EPHB1: variants seen among roughly 807,000 people sequenced by gnomAD.
EPHB1 encodes the protein ephrin type-B receptor 1.
In EPHB1, 30 loss-of-function variants were observed where a neutral mutation model predicts 94.4. The ratio of observed to expected loss-of-function variants is 0.32; its 90% CI spans 0.24 to 0.43. The LOEUF (loss-of-function observed/expected upper bound fraction) is 0.43. Ranked by LOEUF, EPHB1 falls within the 20% of genes least tolerant of loss-of-function variation. The pLI is 1.00. For synonymous variants in EPHB1, 522 were observed against 489.1 expected, an observed-to-expected ratio of 1.07 and a Z score of -0.89; for missense variants, 1,055 against 1,308.3, an observed-to-expected ratio of 0.81 and a Z score of 2.99.
In EPHB1 at chr3:134,984,776, G is replaced by T. The variant is rs532329004; in HGVS notation, c.805+32724G>T. Among the ~76,000 whole-genome samples, 10 of 152,276 alleles carry T rather than the reference G, an allele frequency of 6.6e-5. No homozygotes were observed. In the South Asian group the frequency reaches 1.9e-3, roughly 28 times the overall value. ...AGGTATGTGCCTCCAGTGTGTGTGT[G>T]GTCAGGGGAGTAATGGGGGGAAAGC... On this transcript the variant is annotated intron_variant, in intron 3 of 15. Transcript: ENST00000398015.
chr3:134,987,882 T>G (rs1382071024), intron 3 of EPHB1, among the ~76,000 whole-genome samples: 1 of 152,158 alleles, frequency 6.6e-6, no homozygotes, highest in African/African-American at 2.4e-5. Flanking sequence ...TACCTTGATC[T>G]TGGACGCCCA....
Position 135,127,188 on chromosome 3 carries a change from C to T in EPHB1, c.962-5526C>T, listed in dbSNP as rs990512677. On this transcript the variant is annotated intron_variant, in intron 4 of 15. Coordinates refer to ENST00000398015, the MANE Select transcript of EPHB1 (RefSeq NM_004441.5). ...TACTGTGAACACTTAGGAGGATCAT[C>T]GGTTGGTTTCGGGGGACTAAGAACC... is the stretch of plus-strand genomic sequence containing the variant. Among the ~76,000 whole-genome samples the T allele has an allele frequency of 2.6e-5, 4 of 152,276 alleles. No homozygotes were observed. The East Asian group carries it at 5.8e-4, about 22-fold the overall frequency.
At chr3:134,890,450 T>C (rs570462374) in intron 1 of EPHB1, among the ~76,000 whole-genome samples, 78 of 152,330 alleles carry the variant, frequency 5.1e-4, no homozygotes, top group African/African-American at 1.8e-3. Flanking sequence ...CTGTTGAAAA[T>C]TGATGTATGC....
At chr3:135,231,448 TTTAG>T (rs1157811064) in intron 12 of EPHB1, among the ~76,000 whole-genome samples, 1 of 152,266 alleles carries the variant, frequency 6.6e-6, no homozygotes, top group East Asian at 1.9e-4. Flanking sequence ...TCCACATATT[TTTAG>T]TTAATTTATG....
At chr3:135,045,192 C>A (rs1936963123) in intron 3 of EPHB1, among the ~76,000 whole-genome samples, 1 of 152,008 alleles carries the variant, frequency 6.6e-6, no homozygotes, top group South Asian at 2.1e-4. Context: ...TTTGTTCTGT[C>A]TGGCTATGAA....
intron 15 of EPHB1, among the ~76,000 whole-genome samples, chr3:135,251,985 C>T (rs1040419764): frequency 3.9e-5 from 6 of 152,146 alleles, no homozygotes; most frequent in Non-Finnish European, 8.8e-5. Context: ...GAGCACATTA[C>T]TTAATTTCTC....
chr3:135,204,566 T>A (rs2107714083), intron 12 of EPHB1, among the ~76,000 whole-genome samples: 1 of 152,180 alleles, frequency 6.6e-6, no homozygotes, highest in African/African-American at 2.4e-5. Context: ...AGTGGTGCGA[T>A]CTCGGCTCAT....
At chr3:134,836,525 G>A (rs1311925400) in intron 1 of EPHB1, among the ~76,000 whole-genome samples, 3 of 151,996 alleles carry the variant, frequency 2.0e-5, no homozygotes, top group African/African-American at 7.3e-5. Flanking sequence ...TATATACTTT[G>A]GTGAAGTTTT....
At chr3:134,821,892 A>C (rs2036388716) in intron 1 of EPHB1, among the ~76,000 whole-genome samples, 1 of 152,102 alleles carries the variant, frequency 6.6e-6, no homozygotes, top group Non-Finnish European at 1.5e-5. Flanking sequence ...GGGGGAAAAG[A>C]GATCGGGGAG....
chr3:134,840,951 G>A (rs1009139327), intron 1 of EPHB1, among the ~76,000 whole-genome samples: 1 of 152,204 alleles, frequency 6.6e-6, no homozygotes, highest in Non-Finnish European at 1.5e-5. Context: ...TCTCCAGCCG[G>A]TCACTTAACA....
At chr3:134,806,512 G>A (rs928874784) in intron 1 of EPHB1, among the ~76,000 whole-genome samples, 3 of 152,188 alleles carry the variant, frequency 2.0e-5, no homozygotes, top group Admixed American at 6.5e-5. Context: ...GGAGAGCCAA[G>A]CTTTCCTCAC....
rs1356912772 is a variant in EPHB1 at position 135,197,119 on chromosome 3, C to CA, written c.2130+4304dup. Reference sequence around the variant, plus strand: ...AGAAAAAGGAAAAAAAAAAAAAAGACAAAAAAAATAATAATAAGCGAAACA... The same window carrying CA: ...AGAAAAAGGAAAAAAAAAAAAAAGACAAAAAAAAATAATAATAAGCGAAACA... On this transcript the variant is annotated intron_variant, in intron 11 of 15. Coordinates refer to ENST00000398015, the MANE Select transcript of EPHB1 (RefSeq NM_004441.5). Among the ~76,000 whole-genome samples the CA allele has an allele frequency of 3.6e-3, 530 of 149,260 alleles. 8 individuals carry two copies. The highest frequency in any genetic ancestry group is 0.012 in the African/African-American group (488 of 40,716).
chr3:134,991,750 C>T (rs1430920157), intron 3 of EPHB1, among the ~76,000 whole-genome samples: 1 of 152,160 alleles, frequency 6.6e-6, no homozygotes, highest in African/African-American at 2.4e-5. Context: ...ATTGATCCCT[C>T]TGCCTGGATT....
chr3:135,058,991 G>A (rs559731742), intron 3 of EPHB1, among the ~76,000 whole-genome samples: 2 of 152,182 alleles, frequency 1.3e-5, no homozygotes, highest in Non-Finnish European at 2.9e-5. Flanking sequence ...AAGGGGTTTT[G>A]GAGAAAACAA....
intron 3 of EPHB1, among the ~76,000 whole-genome samples, chr3:134,969,220 G>T (rs777836069): frequency 2.6e-5 from 4 of 152,130 alleles, no homozygotes; most frequent in Non-Finnish European, 4.4e-5. Flanking sequence ...GTGTGTCATG[G>T]TATCTCATGG....
At chr3:134,804,309 A>G (rs1208213309) in intron 1 of EPHB1, among the ~76,000 whole-genome samples, 1 of 151,998 alleles carries the variant, frequency 6.6e-6, no homozygotes. Flanking sequence ...TGATAAACCT[A>G]TCAGATCTCA....
At chr3:135,008,198 A>C (rs1016108879) in intron 3 of EPHB1, among the ~76,000 whole-genome samples, 1 of 152,248 alleles carries the variant, frequency 6.6e-6, no homozygotes, top group Non-Finnish European at 1.5e-5. Context: ...GGCTGGTTGC[A>C]TTCAGACACG....
At chr3:135,017,666 C>T (rs914259052) in intron 3 of EPHB1, among the ~76,000 whole-genome samples, 1 of 152,134 alleles carries the variant, frequency 6.6e-6, no homozygotes, top group African/African-American at 2.4e-5. Flanking sequence ...CTCCTATGCT[C>T]CCCTCCCTGT....
At position 135,201,535 on chromosome 3, in the gene EPHB1, G is replaced by T. The variant is rs1942756719; in HGVS notation, c.2192G>T (p.Gly731Val). ...GGTATGCTCAGGGGCATCGCTGCTG[G>T]CATGAAGTACCTGGCTGAGATGAAT... ...LVGMLRGIAA[G>V]MKYLAEMNYV... The change falls in exon 12 of 16, where the codon GGC becomes GTC. Residue 731 changes from glycine to valine, a missense_variant. Transcript: ENST00000398015. 6.2e-7 allele frequency: 1 copy of T among 1,614,024 alleles called. No individual in the cohort carries two copies. Among genetic ancestry groups the T allele is most frequent in the Non-Finnish European group, 8.5e-7 (1 of 1,180,006 alleles).
Sources: gnomAD v4.1 joint callset for allele counts (sites outside exome capture counted in the v4.1 genomes callset) on GRCh38, gnomAD v4.1.1 for gene constraint, MANE v1.5 for transcripts, NCBI Gene and HGNC (gene_info 2026-07-23, HGNC 2026-07-21) for gene names.